PPP6R2: variants seen among roughly 807,000 people sequenced by gnomAD.
PPP6R2 encodes protein phosphatase 6 regulatory subunit 2, also known as serine/threonine-protein phosphatase 6 regulatory subunit 2.
PPP6R2 carries 62 observed loss-of-function variants against 100.2 expected under a neutral mutation model. That is an observed-to-expected ratio of 0.62 (90% CI 0.50 to 0.76). The LOEUF is 0.76. PPP6R2 is among the 30% of genes least tolerant of loss of function. PPP6R2 has a pLI of 0.00. For synonymous variants in PPP6R2, 525 were observed against 514.7 expected, an observed-to-expected ratio of 1.02 and a Z score of -0.27; for missense variants, 1,142 against 1,276.3, an observed-to-expected ratio of 0.89 and a Z score of 1.60.
At chr22:50,369,368 C>T (rs2049481578) in intron 1 of PPP6R2, among the ~76,000 whole-genome samples, 1 of 151,944 alleles carries the variant, frequency 6.6e-6, no homozygotes, top group Non-Finnish European at 1.5e-5. Flanking sequence ...AAAAGTATTA[C>T]CTGTTTTAGA....
intron 1 of PPP6R2, among the ~76,000 whole-genome samples, chr22:50,365,069 CTTT>C (rs753699499): frequency 2.1e-4 from 27 of 128,420 alleles, no homozygotes; most frequent in Non-Finnish European, 2.6e-4. Flanking sequence ...ATATGAGATA[CTTT>C]TTTTTTTTTT....
At chr22:50,351,204 C>G (rs541104443) in intron 1 of PPP6R2, among the ~76,000 whole-genome samples, 19 of 142,126 alleles carry the variant, frequency 1.3e-4, no homozygotes, top group Admixed American at 1.3e-3. Flanking sequence ...TTGCGCCCAG[C>G]TAATTTTGTA....
rs772065962 is a variant in PPP6R2 at position 50,422,415 on chromosome 22, A to T, written c.972+35A>T. 12 of 1,609,474 alleles carry T rather than the reference A, an allele frequency of 7.5e-6. No homozygotes were observed. The South Asian group carries it at 1.3e-4, about 18-fold the overall frequency. Reference sequence around the variant, plus strand: ...CGTGGCGACTGCTGAGTGCCTTTGGAGGCGTCGCAGGAGAGGTTGATTTGC... The same window carrying T: ...CGTGGCGACTGCTGAGTGCCTTTGGTGGCGTCGCAGGAGAGGTTGATTTGC... On this transcript the variant is annotated intron_variant, in intron 9 of 23. Coordinates refer to ENST00000612753, the MANE Select transcript of PPP6R2 (RefSeq NM_001242898.2).
intron 2 of PPP6R2, among the ~76,000 whole-genome samples, chr22:50,383,462 A>G (rs2148705821): frequency 6.6e-6 from 1 of 152,326 alleles, no homozygotes; most frequent in Admixed American, 6.5e-5. Flanking sequence ...ACCAGAGAAT[A>G]GCACCTTACA....
chr22:50,432,748 G>A (rs940647705), intron 12 of PPP6R2, among the ~76,000 whole-genome samples: 3 of 152,210 alleles, frequency 2.0e-5, no homozygotes, highest in Non-Finnish European at 4.4e-5. Context: ...CACATGTCCC[G>A]CTTATTGTCG....
chr22:50,421,306 A>C (rs1163502818), intron 8 of PPP6R2, among the ~76,000 whole-genome samples: 1 of 152,210 alleles, frequency 6.6e-6, no homozygotes, highest in African/African-American at 2.4e-5. Context: ...TCAGGAAAAC[A>C]GAGATAAGCC....
rs777847086 is a variant in PPP6R2, at chr22:50,438,780, G to C, written c.2128+18G>C. ...CTCAGAAGGTGGTGCTGGGCGCCAG[G>C]GGCTGGGAGTGTGGGTATCGGGGAC... On this transcript the variant is annotated intron_variant, in intron 19 of 23. Coordinates refer to ENST00000612753, the MANE Select transcript of PPP6R2 (RefSeq NM_001242898.2). 14 of 1,576,312 alleles carry C rather than the reference G, an allele frequency of 8.9e-6. No homozygotes were observed. In the African/African-American group the frequency reaches 1.6e-4, roughly 18 times the overall value.
At chr22:50,355,580 G>A (rs933274334) in intron 1 of PPP6R2, among the ~76,000 whole-genome samples, 1 of 145,580 alleles carries the variant, frequency 6.9e-6, no homozygotes, top group Non-Finnish European at 1.5e-5. Flanking sequence ...GAGTGCAGTG[G>A]TGCGATCTTG....
Position 50,393,682 on chromosome 22 carries a change from T to C in PPP6R2, c.-16-211T>C, listed in dbSNP as rs909132888. 4.1e-6 allele frequency: 4 copies of C among 975,466 alleles called. No individual in the cohort carries two copies. The African/African-American group carries it at 7.0e-5, about 17-fold the overall frequency. The allele number at this position is 975,466 out of a possible 1,614,324, so 60.4% of individuals were successfully genotyped here. ...GTGAGCCCAACCTGGAGAGGTCTGA[T>C]GGGAATGGTTACTGGGGAGGGCCCC... On this transcript the variant is annotated intron_variant, in intron 2 of 23. Coordinates refer to ENST00000612753, the MANE Select transcript of PPP6R2 (RefSeq NM_001242898.2).
At chr22:50,442,500 TAC>T (rs1344983621) in intron 22 of PPP6R2, among the ~76,000 whole-genome samples, 1 of 152,204 alleles carries the variant, frequency 6.6e-6, no homozygotes, top group Non-Finnish European at 1.5e-5. Context: ...TTGAAAGTCA[TAC>T]AGAGTTCCTG....
At chr22:50,346,276 C>CCAGT in intron 1 of PPP6R2, among the ~76,000 whole-genome samples, 1 of 60,470 alleles carries the variant, frequency 1.7e-5, no homozygotes, top group African/African-American at 7.2e-5. Context: ...TCAGTTCCCC[C>CCAGT]CAGTCAGTGC....
At chr22:50,359,125 G>A (rs969522598) in intron 1 of PPP6R2, among the ~76,000 whole-genome samples, 2 of 151,024 alleles carry the variant, frequency 1.3e-5, no homozygotes, top group African/African-American at 2.4e-5. Flanking sequence ...TCAGCCTCCC[G>A]AGTAGCTGGG....
intron 10 of PPP6R2, among the ~76,000 whole-genome samples, chr22:50,425,982 A>G (rs1239558056): frequency 6.6e-6 from 1 of 151,984 alleles, no homozygotes; most frequent in African/African-American, 2.4e-5. Flanking sequence ...TTACATAAAA[A>G]ATTTTTTTTA....
At chr22:50,331,024 G>T in the PPP6R2 span, among the ~76,000 whole-genome samples, 1 of 152,184 alleles carries the variant, frequency 6.6e-6, no homozygotes, top group Non-Finnish European at 1.5e-5. Context: ...TGTAAGCCAT[G>T]ACGTGTGTGG....
intron 2 of PPP6R2, among the ~76,000 whole-genome samples, chr22:50,385,813 G>GTTT (rs2054120413): frequency 8.8e-6 from 1 of 113,044 alleles, no homozygotes; most frequent in African/African-American, 4.1e-5. Flanking sequence ...ACCGCGCCCA[G>GTTT]CTTTTTTTTT....
chr22:50,440,656 G>A (rs778161308), intron 21 of PPP6R2, 166 bp from the exon 22 acceptor site: 25 of 726,382 alleles, frequency 3.4e-5, no homozygotes, highest in African/African-American at 3.0e-4. Context: ...CCCATGGCAG[G>A]TGCGTGAGCC....
At chr22:50,430,360 G>A (rs76949780) in intron 10 of PPP6R2, among the ~76,000 whole-genome samples, 16,487 of 152,254 alleles carry the variant, frequency 0.11, 1,294 homozygotes, top group East Asian at 0.41. Context: ...CATCCTGGGT[G>A]GAATCCTCAT....
At chr22:50,414,331 GCCCCCCCCCCCCCCC>G (rs57634612) in intron 4 of PPP6R2, among the ~76,000 whole-genome samples, 2 of 26,776 alleles carry the variant, frequency 7.5e-5, no homozygotes, top group Non-Finnish European at 2.2e-4. Context: ...CTGTGCAGTG[GCCCCCCCCCCCCCCC>G]CCCCGCCCAG....
intron 3 of PPP6R2, among the ~76,000 whole-genome samples, chr22:50,397,590 C>G (rs1215175616): frequency 7.1e-6 from 1 of 140,316 alleles, no homozygotes; most frequent in African/African-American, 3.0e-5. Flanking sequence ...GAGTTTTTCT[C>G]TGAGGAGTGT....
Sources: allele counts gnomAD v4.1 joint callset (sites outside exome capture counted in the v4.1 genomes callset), GRCh38; gene constraint gnomAD v4.1.1; transcripts MANE v1.5; gene names NCBI Gene and HGNC (gene_info 2026-07-23, HGNC 2026-07-21).